Variants in NXPH1 observed in about 807,000 individuals in gnomAD.
NXPH1 encodes the protein neurexophilin 1, also known as neurexophilin-1.
NXPH1 carries 5 observed loss-of-function variants against 23.7 expected under a neutral mutation model. The observed-to-expected ratio is 0.21, with a 90% confidence interval of 0.11 to 0.44. The LOEUF is 0.44. Ranked by LOEUF, NXPH1 falls within the 20% of genes least tolerant of loss-of-function variation. NXPH1 has a pLI of 0.99. For synonymous variants in NXPH1, 144 were observed against 122.2 expected, an observed-to-expected ratio of 1.18 and a Z score of -1.18; for missense variants, 324 against 321.6, an observed-to-expected ratio of 1.01 and a Z score of -0.06.
intron 2 of NXPH1, among the ~76,000 whole-genome samples, chr7:8,541,344 T>C (rs1197108782): frequency 1.3e-5 from 2 of 151,690 alleles, no homozygotes; most frequent in African/African-American, 2.4e-5. Flanking sequence ...AGTTGTGGGA[T>C]AACTTCAAGC....
intron 2 of NXPH1, among the ~76,000 whole-genome samples, chr7:8,456,522 A>G (rs754391397): frequency 2.6e-5 from 4 of 152,206 alleles, no homozygotes; most frequent in Non-Finnish European, 5.9e-5. Flanking sequence ...TTAAGGAAAC[A>G]GAGGTCTTAT....
intron 2 of NXPH1, among the ~76,000 whole-genome samples, chr7:8,570,647 G>A (rs1033632067): frequency 2.0e-5 from 3 of 151,872 alleles, no homozygotes; most frequent in Non-Finnish European, 4.4e-5. Flanking sequence ...ACAGGAAGAA[G>A]GAGTTATGCA....
intron 2 of NXPH1, among the ~76,000 whole-genome samples, chr7:8,696,506 A>G (rs1779513519): frequency 6.6e-6 from 1 of 152,202 alleles, no homozygotes; most frequent in Non-Finnish European, 1.5e-5. Context: ...TTCGGATCCC[A>G]TAGGTTGAGA....
chr7:8,681,512 T>A (rs923709934), intron 2 of NXPH1, among the ~76,000 whole-genome samples: 2 of 152,184 alleles, frequency 1.3e-5, no homozygotes. Context: ...ACTGTGCCAC[T>A]GCCCTGACGT....
intron 2 of NXPH1, among the ~76,000 whole-genome samples, chr7:8,498,437 AT>A (rs889725809): frequency 6.6e-6 from 1 of 151,946 alleles, no homozygotes; most frequent in African/African-American, 2.4e-5. Flanking sequence ...CAGTCCCTCT[AT>A]TTTTTCCCCC....
At chr7:8,549,300 A>G (rs969131990) in intron 2 of NXPH1, among the ~76,000 whole-genome samples, 1 of 151,540 alleles carries the variant, frequency 6.6e-6, no homozygotes, top group African/African-American at 2.4e-5. Context: ...CGTGACTGAC[A>G]TGAGCCAAAA....
intron 2 of NXPH1, among the ~76,000 whole-genome samples, chr7:8,604,669 T>A (rs1448311378): frequency 6.6e-6 from 1 of 152,160 alleles, no homozygotes; most frequent in Non-Finnish European, 1.5e-5. Flanking sequence ...ATGCCTTATT[T>A]GTGATTTGGA....
Position 8,731,128 on chromosome 7 carries a change from C to T in NXPH1, c.55-19880C>T, listed in dbSNP as rs1046733272. ...ACTGATACCCTTTCTTCCAGTTGAT[C>T]GCATCGGCTCCTGAGGCTTCTGCAT... is the stretch of plus-strand genomic sequence containing the variant. On this transcript the variant is annotated intron_variant, in intron 2 of 2. Transcript: ENST00000405863. Among the ~76,000 whole-genome samples, 98 of 151,916 alleles carry T rather than the reference C, an allele frequency of 6.5e-4. 1 individual carries two copies. Among genetic ancestry groups the T allele is most frequent in the Non-Finnish European group, 9.6e-4 (65 of 68,010 alleles).
chr7:8,515,589 AG>A (rs77397360), intron 2 of NXPH1, among the ~76,000 whole-genome samples: 88,614 of 151,930 alleles, frequency 0.58, 26,001 homozygotes, highest in East Asian at 0.69. Flanking sequence ...TTGCACCAAA[AG>A]TAGTTTGCTT....
intron 2 of NXPH1, among the ~76,000 whole-genome samples, chr7:8,586,626 A>AATAT (rs201601131): frequency 0.02 from 2,978 of 147,318 alleles, 91 homozygotes; most frequent in African/African-American, 0.066. Flanking sequence ...GAGAATAATG[A>AATAT]ATATATATAT....
chr7:8,436,590 C>T (rs1004060503), intron 2 of NXPH1, among the ~76,000 whole-genome samples: 2 of 151,680 alleles, frequency 1.3e-5, no homozygotes, highest in African/African-American at 4.9e-5. Flanking sequence ...CATGTTGAGA[C>T]AAGGAGAATG....
intron 2 of NXPH1, among the ~76,000 whole-genome samples, chr7:8,726,508 C>G (rs1177373603): frequency 7.5e-6 from 1 of 133,610 alleles, no homozygotes; most frequent in Non-Finnish European, 1.6e-5. Flanking sequence ...ACAACAGTCC[C>G]CAGAGTGTGA....
At chr7:8,525,504 TG>T (rs528791753) in intron 2 of NXPH1, among the ~76,000 whole-genome samples, 63 of 152,214 alleles carry the variant, frequency 4.1e-4, no homozygotes, top group African/African-American at 1.5e-3. Context: ...CCCAAGACCA[TG>T]GGGAAAATGT....
intron 2 of NXPH1, among the ~76,000 whole-genome samples, chr7:8,711,475 G>C (rs1164698972): frequency 6.6e-6 from 1 of 152,172 alleles, no homozygotes; most frequent in East Asian, 1.9e-4. Flanking sequence ...AATCTGGTTT[G>C]GAAACATAGG....
At chr7:8,660,631 C>T (rs1172170170) in intron 2 of NXPH1, among the ~76,000 whole-genome samples, 1 of 152,184 alleles carries the variant, frequency 6.6e-6, no homozygotes, top group East Asian at 1.9e-4. Flanking sequence ...AGTAAAGCTA[C>T]TCACTGAAAC....
intron 2 of NXPH1, among the ~76,000 whole-genome samples, chr7:8,507,086 A>G (rs1214747050): frequency 6.6e-6 from 1 of 151,428 alleles, no homozygotes; most frequent in East Asian, 1.9e-4. Flanking sequence ...GGTGAGAGAC[A>G]ATGGGCTAAG....
intron 2 of NXPH1, among the ~76,000 whole-genome samples, chr7:8,734,482 A>G (rs1184412710): frequency 6.6e-6 from 1 of 152,132 alleles, no homozygotes; most frequent in Non-Finnish European, 1.5e-5. Context: ...CCAGTTTCAC[A>G]ATATTGACTC....
Position 8,730,835 on chromosome 7 carries a change from C to T in NXPH1, c.55-20173C>T, listed in dbSNP as rs942393707. Among the ~76,000 whole-genome samples, 5 of 150,616 alleles carry T rather than the reference C, an allele frequency of 3.3e-5. No individual in the cohort carries two copies. In the East Asian group the frequency reaches 7.8e-4, roughly 23 times the overall value. On this transcript the variant is annotated intron_variant, in intron 2 of 2. Coordinates refer to ENST00000405863, the MANE Select transcript of NXPH1 (RefSeq NM_152745.3). ...TTATGTGTCTTGGAGTTGCTCTTCT[C>T]GAGGAGTATCTTTGTGGTGTTCTCT...
intron 2 of NXPH1, among the ~76,000 whole-genome samples, chr7:8,506,584 A>T (rs1019276889): frequency 6.6e-6 from 1 of 152,096 alleles, no homozygotes; most frequent in African/African-American, 2.4e-5. Flanking sequence ...GATAGCCAGT[A>T]GGGACAGTGT....
Sources: gnomAD v4.1 joint callset for allele counts (sites outside exome capture counted in the v4.1 genomes callset) on GRCh38, gnomAD v4.1.1 for gene constraint, MANE v1.5 for transcripts, NCBI Gene and HGNC (gene_info 2026-07-23, HGNC 2026-07-21) for gene names.